The following SHANK1 variants were observed in gnomAD, a reference collection of about 807,000 sequenced individuals.
The protein encoded by SHANK1 is SH3 and multiple ankyrin repeat domains 1.
In SHANK1, 35 loss-of-function variants were observed where a neutral mutation model predicts 165.6. The ratio of observed to expected loss-of-function variants is 0.21; its 90% CI spans 0.16 to 0.28. The LOEUF (loss-of-function observed/expected upper bound fraction) is 0.28, where lower values mean the gene tolerates loss of function less well. Ranked by LOEUF, SHANK1 falls within the 10% of genes least tolerant of loss-of-function variation. SHANK1 has a pLI of 1.00. For missense variants in SHANK1, 2,681 were observed against 3,036.4 expected (o/e 0.88, Z 2.75); for synonymous variants, 1,428 against 1,384.8 (o/e 1.03, Z -0.69).
rs771676807 is a variant in SHANK1 at position 50,666,564 on chromosome 19, G to A, written c.5396C>T (p.Ala1799Val). ...VTGAGTDGLL[A>V]LRACSGPPTA... ...GGGGGGTCCTGAACAAGCACGCAGG[G>A]CCAGCAGCCCATCGGTTCCAGCCCC... Residue 1799 changes from alanine (A) to valine (V), a missense_variant, in exon 23 of 24, where the codon GCC becomes GTC. Ala to Val is a moderately conservative substitution (Grantham distance 64). This residue lies in a region of SHANK1 where 1,713 missense variants were observed against 1,630.2 expected (regional missense o/e 1.05). Coordinates refer to ENST00000293441, the MANE Select transcript of SHANK1 (RefSeq NM_016148.5). 6.3e-7 allele frequency: 1 copy of A among 1,599,426 alleles called. No individual in the cohort carries two copies. The highest frequency in any genetic ancestry group is 8.5e-7 in the Non-Finnish European group (1 of 1,175,220).
At chr19:50,675,819 T>C (rs1985960083) in intron 21 of SHANK1, among the ~76,000 whole-genome samples, 1 of 152,110 alleles carries the variant, frequency 6.6e-6, no homozygotes, top group Admixed American at 6.5e-5. Flanking sequence ...CTGACCAACA[T>C]GGTGAAACCC....
At chr19:50,703,027 CT>C (rs1372784559) in intron 11 of SHANK1, among the ~76,000 whole-genome samples, 1 of 152,206 alleles carries the variant, frequency 6.6e-6, no homozygotes, top group East Asian at 1.9e-4. Context: ...TTGCCAGCCT[CT>C]CCCCCACTTC....
intron 21 of SHANK1, among the ~76,000 whole-genome samples, chr19:50,674,993 C>T (rs903528262): frequency 7.2e-6 from 1 of 139,498 alleles, no homozygotes. Context: ...ACCCGGGAGG[C>T]GGAGGTTGCA....
chr19:50,699,950 T>A (rs2123166795), intron 12 of SHANK1, among the ~76,000 whole-genome samples: 1 of 124,044 alleles, frequency 8.1e-6, no homozygotes, highest in Admixed American at 8.0e-5. Context: ...CTCGGGGCAT[T>A]GGAGGATTGG....
At chr19:50,707,259 C>T (rs568860325) in intron 8 of SHANK1, among the ~76,000 whole-genome samples, 14 of 152,328 alleles carry the variant, frequency 9.2e-5, no homozygotes, top group African/African-American at 3.1e-4. Context: ...TGGCACCCAC[C>T]ACCTGGATTA....
chr19:50,662,807 C>T lies in SHANK1; in HGVS notation c.5769-125G>A, dbSNP rs933147183. Reference sequence around the variant, plus strand: ...AGAGACATAAGGGTAGGGGGAGAGACGGAGGAGAGACGGGAAGAAATGGAG... The same window carrying T: ...AGAGACATAAGGGTAGGGGGAGAGATGGAGGAGAGACGGGAAGAAATGGAG... On this transcript the variant is annotated intron_variant, in intron 23 of 23. Coordinates refer to ENST00000293441, the MANE Select transcript of SHANK1 (RefSeq NM_016148.5). This position sits in a 1 kb window ranked among gnomAD's most constrained non-coding sequence, Gnocchi z 7.7. 1.9e-5 allele frequency: 18 copies of T among 937,108 alleles called. No individual in the cohort carries two copies. The highest frequency in any genetic ancestry group is 2.7e-5 in the East Asian group (1 of 37,414). 58.0% of individuals were successfully genotyped at this position (937,108 alleles called of 1,614,324 possible). A position where few individuals can be genotyped will look rare whatever the true frequency, so the allele number is the denominator to read the frequency against.
Position 50,663,040 on chromosome 19 carries a change from C to T in SHANK1, c.5769-358G>A, listed in dbSNP as rs192683383. On this transcript the variant is annotated intron_variant, in intron 23 of 23. Transcript: ENST00000293441. ...TGATTGCATCTCAGTTTAATCCCCA[C>T]GACAGCCCTGATGCAGGTTACTATT... is the stretch of plus-strand genomic sequence containing the variant. 6.5e-5 allele frequency: 20 copies of T among 306,832 alleles called. 1 individual carries two copies. The highest frequency in any genetic ancestry group is 1.5e-4 in the African/African-American group (7 of 45,524). The allele number at this position is 306,832 out of a possible 1,614,324, so 19.0% of individuals were successfully genotyped here. A position where few individuals can be genotyped will look rare whatever the true frequency, so the allele number is the denominator to read the frequency against.
rs2089096521 is a variant in SHANK1, at chr19:50,718,670, T to TGG, written c.-44+734_-44+735dup. Among the ~76,000 whole-genome samples the TGG allele has an allele frequency of 1.3e-5, 1 of 77,490 alleles. No homozygotes were observed. Among genetic ancestry groups the TGG allele is most frequent in the East Asian group, 3.4e-4 (1 of 2,950 alleles). 50.8% of individuals were successfully genotyped at this position (77,490 alleles called of 152,430 possible). Reference sequence around the variant, plus strand: ...AGAGAGGGGGTGCCCTGGGAGGCTGTGGGGGGACAGGGGGCGGCTGGCGTG... The same window carrying TGG: ...AGAGAGGGGGTGCCCTGGGAGGCTGTGGGGGGGGACAGGGGGCGGCTGGCGTG... On this transcript the variant is annotated intron_variant, in intron 1 of 23. Coordinates refer to ENST00000293441, the MANE Select transcript of SHANK1 (RefSeq NM_016148.5). The surrounding 1 kb of genome is among the most constrained non-coding windows in gnomAD (Gnocchi z 5.1).
Position 50,689,302 on chromosome 19 carries a change from G to T in SHANK1, c.1965-23C>A, listed in dbSNP as rs768544808. 2.6e-6 allele frequency: 4 copies of T among 1,518,596 alleles called. No homozygotes were observed. The African/African-American group carries it at 4.1e-5, about 16-fold the overall frequency. 94.1% of individuals were successfully genotyped at this position (1,518,596 alleles called of 1,614,324 possible). A position where few individuals can be genotyped will look rare whatever the true frequency, so the allele number is the denominator to read the frequency against. On this transcript the variant is annotated intron_variant, in intron 15 of 23. Coordinates refer to ENST00000293441, the MANE Select transcript of SHANK1 (RefSeq NM_016148.5). ...TCGCTGGCAGGGAGGCAGGAGAAAT[G>T]GGGGGGTGGTGGGGGGAGTGGAGAA...
rs1162820918 is a variant in SHANK1 at position 50,694,806 on chromosome 19, G to A, written c.1964+2290C>T. Among the ~76,000 whole-genome samples the A allele has an allele frequency of 2.7e-5, 4 of 145,670 alleles. No homozygotes were observed. In the East Asian group the frequency reaches 8.4e-4, roughly 31 times the overall value. Reference sequence around the variant, plus strand: ...AGGGGCGGGTTGGGGGAAGGGGAAAGGCCCTGGGGCTGGGGTTTAGCGGCG... The same window carrying A: ...AGGGGCGGGTTGGGGGAAGGGGAAAAGCCCTGGGGCTGGGGTTTAGCGGCG... On this transcript the variant is annotated intron_variant, in intron 15 of 23. Transcript: ENST00000293441.
chr19:50,695,304 C>A (rs1224308425), intron 15 of SHANK1, among the ~76,000 whole-genome samples: 1 of 147,814 alleles, frequency 6.8e-6, no homozygotes, highest in Non-Finnish European at 1.5e-5. Flanking sequence ...GCGCGAGGAC[C>A]GCGGACGGCG....
In SHANK1 at chr19:50,667,839, G is replaced by A. The variant is rs895021477; in HGVS notation, c.4121C>T (p.Pro1374Leu). 1 of 1,297,244 alleles carries A rather than the reference G, an allele frequency of 7.7e-7. No individual in the cohort carries two copies. The highest frequency in any genetic ancestry group is 2.4e-5 in the South Asian group (1 of 40,850). 80.4% of individuals were successfully genotyped at this position (1,297,244 alleles called of 1,614,324 possible). A position where few individuals can be genotyped will look rare whatever the true frequency, so the allele number is the denominator to read the frequency against. The part of the protein sequence containing the change: ...LKESSEGGGA[P>L]QPPPRPPSPR... ...CGATGGGGGCCTGGGAGGCGGCTGGGGGGCCCCGCCGCCCTCCGAGGACTC... is the reference window on the plus strand; with the variant it reads ...CGATGGGGGCCTGGGAGGCGGCTGGAGGGCCCCGCCGCCCTCCGAGGACTC... The change falls in exon 23 of 24, where the codon CCC becomes CTC. Residue 1374 changes from proline to leucine, a missense_variant. Around this residue, in one of 10 missense-constraint regions of SHANK1, gnomAD observed 1,713 missense variants for 1,630.2 expected, o/e 1.05. Coordinates refer to ENST00000293441, the MANE Select transcript of SHANK1 (RefSeq NM_016148.5). This position sits in a 1 kb window ranked among gnomAD's most constrained non-coding sequence, Gnocchi z 5.7.
At chr19:50,696,991 C>T (rs1237612500) in intron 15 of SHANK1, 105 bp downstream of exon 15, 10 of 942,860 alleles carry the variant, frequency 1.1e-5, no homozygotes, top group African/African-American at 1.6e-5. Flanking sequence ...CACGTTCACA[C>T]ACCAAGAAAC....
intron 1 of SHANK1, 111 bp downstream of exon 1, chr19:50,719,295 A>G (rs1438105297): frequency 6.6e-6 from 1 of 151,274 alleles, no homozygotes; most frequent in Non-Finnish European, 1.5e-5. Context: ...CCAGCCGCAC[A>G]CCCAGGCCAG....
chr19:50,716,588 A>G lies in SHANK1; in HGVS notation c.255+77T>C. 6.4e-7 allele frequency: 1 copy of G among 1,554,700 alleles called. No individual in the cohort carries two copies. Among genetic ancestry groups the G allele is most frequent in the Non-Finnish European group, 8.7e-7 (1 of 1,145,048 alleles). ...GTGTGGGGGTGATTCCTGGGAGGATACCCAGCACCAGTGGACTCCCCATGT... is the reference window on the plus strand; with the variant it reads ...GTGTGGGGGTGATTCCTGGGAGGATGCCCAGCACCAGTGGACTCCCCATGT... On this transcript the variant is annotated intron_variant, in intron 2 of 23. Transcript: ENST00000293441. This position sits in a 1 kb window ranked among gnomAD's most constrained non-coding sequence, Gnocchi z 8.4.
chr19:50,681,141 G>A (rs1036583296), intron 21 of SHANK1, among the ~76,000 whole-genome samples: 2 of 151,978 alleles, frequency 1.3e-5, no homozygotes, highest in African/African-American at 2.4e-5. Context: ...ACCAGACGTC[G>A]AGAGAGGCCA....
Position 50,662,407 on chromosome 19 carries a change from G to T in SHANK1, c.6044C>A (p.Pro2015His). Residue 2015 changes from proline (P) to histidine (H), a missense_variant, in exon 24 of 24, where the codon CCC becomes CAC. Transcript: ENST00000293441. This position sits in a 1 kb window ranked among gnomAD's most constrained non-coding sequence, Gnocchi z 7.7. ...CAGGATGGGCAGGGACGAGGGCCTG[G>T]GCGCAGGGCTGACCTTGTGCTCCGA... ...PASEHKVSPA[P>H]RPSSLPILPS... 1 of 1,564,788 alleles carries T rather than the reference G, an allele frequency of 6.4e-7. No homozygotes were observed. The highest frequency in any genetic ancestry group is 8.7e-7 in the Non-Finnish European group (1 of 1,154,950).
At chr19:50,710,691 C>T (rs2088996894) in intron 8 of SHANK1, among the ~76,000 whole-genome samples, 1 of 152,190 alleles carries the variant, frequency 6.6e-6, no homozygotes, top group Non-Finnish European at 1.5e-5. Context: ...CTCAGGGACC[C>T]AGGTTGTCAG....
Position 50,686,780 on chromosome 19 carries a change from T to C in SHANK1, c.2422A>G (p.Met808Val). 1 of 1,613,736 alleles carries C rather than the reference T, an allele frequency of 6.2e-7. No individual in the cohort carries two copies. The part of the protein sequence containing the change: ...YEQQPAPVPS[M>V]EKKRTVYQMA... Reference sequence around the variant, plus strand: ...TGATACACGGTCCGCTTTTTCTCCATGCTGGGCACCGGCGCCGGCTGCTGC... The same window carrying C: ...TGATACACGGTCCGCTTTTTCTCCACGCTGGGCACCGGCGCCGGCTGCTGC... The change falls in exon 20 of 24, where the codon ATG (methionine) becomes GTG (valine). Residue 808 changes from methionine (M) to valine (V), a missense_variant. This residue lies in a region of SHANK1 where 206 missense variants were observed against 216.0 expected (regional missense o/e 0.95). Coordinates refer to ENST00000293441, the MANE Select transcript of SHANK1 (RefSeq NM_016148.5). The surrounding 1 kb of genome is among the most constrained non-coding windows in gnomAD (Gnocchi z 5.7).
Sources: gnomAD v4.1 joint callset for allele counts (sites outside exome capture counted in the v4.1 genomes callset) on GRCh38, gnomAD v4.1.1 for gene constraint, gnomAD v4.1.1 regional missense constraint, Gnocchi (gnomAD v3.1) non-coding constraint, MANE v1.5 for transcripts, NCBI Gene and HGNC (gene_info 2026-07-23, HGNC 2026-07-21) for gene names.